DYNC2I1: variants seen among roughly 807,000 people sequenced by gnomAD.
The protein encoded by DYNC2I1 is dynein 2 intermediate chain 1.
DYNC2I1 carries 89 observed loss-of-function variants against 133.4 expected under a neutral mutation model. That is an observed-to-expected ratio of 0.67 (90% CI 0.56 to 0.80). The LOEUF is 0.80. Ranked by LOEUF, DYNC2I1 falls within the 30% of genes least tolerant of loss-of-function variation. The probability of loss-of-function intolerance (pLI) is 0.00; values close to 1 mark genes in which losing one functional copy is unlikely to be tolerated. For synonymous variants in DYNC2I1, 504 were observed against 484.3 expected (o/e 1.04, Z -0.54); for missense variants, 1,291 against 1,314.5 (o/e 0.98, Z 0.28).
rs1383669042 is a variant in DYNC2I1 at position 158,871,295 on chromosome 7, A to C, written c.223A>C (p.Thr75Pro). The change falls in exon 3 of 25, where the codon ACC becomes CCC. Residue 75 changes from threonine to proline, a missense_variant. Transcript: ENST00000407559. ...CAGAGACAGGGTGGCCGAAGTCCAC[A>C]CCGCTAAGGAGAGTCCTCGTGGGGA... Reference protein sequence around the residue: ...RSRDRVAEVHTAKESPRGERD... With the variant: ...RSRDRVAEVHPAKESPRGERD... 3 of 1,581,328 alleles carry C rather than the reference A, an allele frequency of 1.9e-6. No homozygotes were observed. Among genetic ancestry groups the C allele is most frequent in the Non-Finnish European group, 2.6e-6 (3 of 1,162,816 alleles).
At chr7:158,940,081 A>G (rs1331705865) in intron 23 of DYNC2I1, among the ~76,000 whole-genome samples, 1 of 152,194 alleles carries the variant, frequency 6.6e-6, no homozygotes, top group Non-Finnish European at 1.5e-5. Context: ...TAATGGACAG[A>G]TTACCCAGAC....
At chr7:158,885,037 A>C (rs999889549) in intron 6 of DYNC2I1, among the ~76,000 whole-genome samples, 5 of 152,246 alleles carry the variant, frequency 3.3e-5, no homozygotes, top group Middle Eastern at 6.8e-3. Flanking sequence ...AGCTAAAGCA[A>C]ATCCGCAGGT....
At chr7:158,869,469 CTG>C (rs1432095962) in intron 1 of DYNC2I1, 1 of 472,596 alleles carries the variant, frequency 2.1e-6, no homozygotes, top group African/African-American at 2.0e-5. Context: ...CAGACTCCCT[CTG>C]TGTGCACAGC....
the DYNC2I1 span, among the ~76,000 whole-genome samples, chr7:158,841,182 TATATATATATATATATATATATATATATA>T: frequency 2.4e-4 from 4 of 16,680 alleles, no homozygotes; most frequent in African/African-American, 9.1e-4. Context: ...TATATATATA[TATATATATATATATATATATATATATATA>T]TATATATATA....
intron 10 of DYNC2I1, chr7:158,905,140 C>CTTT (rs77389434): frequency 1.4e-3 from 481 of 337,466 alleles, no homozygotes; most frequent in South Asian, 2.1e-3. Flanking sequence ...CTTTCTTTTT[C>CTTT]TTTTTTTTTT....
chr7:158,845,520 C>G, the DYNC2I1 span, among the ~76,000 whole-genome samples: 23 of 152,166 alleles, frequency 1.5e-4, no homozygotes, highest in African/African-American at 5.6e-4. Context: ...AACTCTAAAT[C>G]AGGCCTAAAA....
At position 158,945,435 on chromosome 7, in the gene DYNC2I1, T is replaced by G. The variant is rs534349541; in HGVS notation, c.3003-146T>G. On this transcript the variant is annotated intron_variant, in intron 24 of 24. Coordinates refer to ENST00000407559, the MANE Select transcript of DYNC2I1 (RefSeq NM_018051.5). This position sits in a 1 kb window ranked among gnomAD's most constrained non-coding sequence, Gnocchi z 4.1. Reference sequence around the variant, plus strand: ...TGCATTTTCACACATTTATTTCTGGTCTAGCTTTCATTTTGGCTATTGGTA... The same window carrying G: ...TGCATTTTCACACATTTATTTCTGGGCTAGCTTTCATTTTGGCTATTGGTA... The G allele has an allele frequency of 4.0e-5, 36 of 905,684 alleles. No homozygotes were observed. The East Asian group carries it at 9.9e-4, about 25-fold the overall frequency. The allele number at this position is 905,684 out of a possible 1,614,324, so 56.1% of individuals were successfully genotyped here. A position where few individuals can be genotyped will look rare whatever the true frequency, so the allele number is the denominator to read the frequency against.
chr7:158,952,260 C>A (rs561384535), intron 4 of DYNC2I1, among the ~76,000 whole-genome samples: 1 of 152,290 alleles, frequency 6.6e-6, no homozygotes, highest in East Asian at 1.9e-4. Context: ...ACCTTCTGTC[C>A]AGAGCAGTTT....
At chr7:158,894,132 A>ATACCGCATATCCTACCGCATATCC (rs139043710) in intron 8 of DYNC2I1, among the ~76,000 whole-genome samples, 78,091 of 150,830 alleles carry the variant, frequency 0.52, 21,392 homozygotes, top group Non-Finnish European at 0.61. Context: ...ACCGCATATC[A>ATACCGCATATCCTACCGCATATCC]TACCGCATAT....
intron 5 of DYNC2I1, among the ~76,000 whole-genome samples, chr7:158,883,820 C>A (rs1231758695): frequency 2.0e-5 from 3 of 149,090 alleles, no homozygotes; most frequent in East Asian, 2.0e-4. Context: ...CCCGCCACCA[C>A]ACCCGGCTAA....
chr7:158,921,005 G>A (rs1418659589), intron 15 of DYNC2I1, among the ~76,000 whole-genome samples: 1 of 152,192 alleles, frequency 6.6e-6, no homozygotes, highest in African/African-American at 2.4e-5. Context: ...CGGGTGCTAT[G>A]CCCTGGGCAC....
chr7:158,849,091 T>C, the DYNC2I1 span, among the ~76,000 whole-genome samples: 1 of 152,124 alleles, frequency 6.6e-6, no homozygotes, highest in Non-Finnish European at 1.5e-5. Context: ...AAGATAAAGA[T>C]TGACAAAAGG....
At chr7:158,932,127 C>T (rs1850277833) in intron 21 of DYNC2I1, among the ~76,000 whole-genome samples, 1 of 152,184 alleles carries the variant, frequency 6.6e-6, no homozygotes, top group Non-Finnish European at 1.5e-5. Flanking sequence ...GCATGAGTGT[C>T]CCCAGGAGGA....
intron 7 of DYNC2I1, 102 bp from the exon 8 acceptor site, chr7:158,891,163 G>C (rs1323306572): frequency 7.8e-7 from 1 of 1,284,904 alleles, no homozygotes; most frequent in Admixed American, 1.7e-5. Flanking sequence ...GTTTGCTGAG[G>C]GCTGGCGGGC....
At chr7:158,879,296 A>T (rs1843750438) in intron 4 of DYNC2I1, among the ~76,000 whole-genome samples, 1 of 152,102 alleles carries the variant, frequency 6.6e-6, no homozygotes, top group South Asian at 2.1e-4. Context: ...TGTAACATTT[A>T]TAAAGACAGC....
chr7:158,939,075 T>C (rs1851067019), intron 23 of DYNC2I1, among the ~76,000 whole-genome samples: 1 of 152,228 alleles, frequency 6.6e-6, no homozygotes. Flanking sequence ...TTTGGTGTTT[T>C]CTTTCCTTTG....
rs1450006893 is a variant in DYNC2I1 at position 158,856,645 on chromosome 7, C to G, written c.-91C>G. The G allele has an allele frequency of 2.5e-6, 3 of 1,208,934 alleles. No homozygotes were observed. The highest frequency in any genetic ancestry group is 4.2e-5 in the South Asian group (1 of 23,750). The allele number at this position is 1,208,934 out of a possible 1,614,324, so 74.9% of individuals were successfully genotyped here. On this transcript the variant is annotated 5_prime_UTR_variant, in exon 1 of 25. Coordinates refer to ENST00000407559, the MANE Select transcript of DYNC2I1 (RefSeq NM_018051.5). The stretch of plus-strand genomic sequence containing the variant: ...TTGCTAGGCGCTGGGACGCGCCTCC[C>G]GAAGGGTGCGGGGCACAGGTGGCCT...
chr7:158,906,171 T>A (rs1846788137), intron 11 of DYNC2I1, 80 bp downstream of exon 11: 1 of 1,270,162 alleles, frequency 7.9e-7, no homozygotes. Flanking sequence ...AAAAATCGAG[T>A]TTTAAAATGC....
At chr7:158,846,510 T>TA in the DYNC2I1 span, among the ~76,000 whole-genome samples, 3 of 152,156 alleles carry the variant, frequency 2.0e-5, no homozygotes, top group South Asian at 4.1e-4. Context: ...ATACTGTTAG[T>TA]AAAAAAAGGA....
Sources: gnomAD v4.1 joint callset for allele counts (sites outside exome capture counted in the v4.1 genomes callset) on GRCh38, gnomAD v4.1.1 for gene constraint, Gnocchi (gnomAD v3.1) non-coding constraint, MANE v1.5 for transcripts, NCBI Gene and HGNC (gene_info 2026-07-23, HGNC 2026-07-21) for gene names.